Variants in FRMPD1 observed in about 807,000 individuals in gnomAD.
FRMPD1 encodes the protein FERM and PDZ domain-containing protein 1.
In FRMPD1, 76 loss-of-function variants were observed where a neutral mutation model predicts 117.8. That is an observed-to-expected ratio of 0.65 (90% confidence interval 0.54 to 0.78). The LOEUF (loss-of-function observed/expected upper bound fraction) is 0.78, where lower values mean the gene tolerates loss of function less well. Ranked by LOEUF, FRMPD1 falls within the 30% of genes least tolerant of loss-of-function variation. FRMPD1 has a pLI of 0.00. For synonymous variants in FRMPD1, 783 were observed against 770.4 expected, an observed-to-expected ratio of 1.02 and a Z score of -0.27; for missense variants, 1,786 against 1,964.5, an observed-to-expected ratio of 0.91 and a Z score of 1.72.
the FRMPD1 span, among the ~76,000 whole-genome samples, chr9:37,644,286 C>A: frequency 1.3e-5 from 2 of 152,114 alleles, no homozygotes; most frequent in African/African-American, 4.8e-5. Flanking sequence ...GGTAGCTGGG[C>A]CCCTCAGGTA....
At chr9:37,718,715 T>G (rs189957144) in intron 5 of FRMPD1, among the ~76,000 whole-genome samples, 2 of 152,228 alleles carry the variant, frequency 1.3e-5, no homozygotes, top group Non-Finnish European at 1.5e-5. Flanking sequence ...CGTACCTGGT[T>G]TTCTTTCATA....
chr9:37,746,722 G>A lies in FRMPD1; in HGVS notation c.4690G>A (p.Ala1564Thr), dbSNP rs749401138. 23 of 1,613,944 alleles carry A rather than the reference G, an allele frequency of 1.4e-5. No individual in the cohort carries two copies. The highest frequency in any genetic ancestry group is 4.5e-5 in the East Asian group (2 of 44,894). The change falls in exon 16 of 16, where the codon GCC becomes ACC. Residue 1564 changes from alanine (A) to threonine (T), a missense_variant. Coordinates refer to ENST00000377765, the MANE Select transcript of FRMPD1 (RefSeq NM_014907.3). The stretch of plus-strand genomic sequence containing the variant: ...CCGTCAGTGCACGGCCCTCACGGCC[G>A]CCGTGTTCTGTTTGACCCAGAAGTT... ...LARQCTALTA[A>T]VFCLTQKFRA...
At chr9:37,714,718 C>T (rs1823045082) in intron 5 of FRMPD1, among the ~76,000 whole-genome samples, 1 of 151,604 alleles carries the variant, frequency 6.6e-6, no homozygotes, top group South Asian at 2.1e-4. Context: ...GTGATCTTGG[C>T]TCACTGCAAC....
At chr9:37,637,521 C>T in the FRMPD1 span, among the ~76,000 whole-genome samples, 1 of 152,094 alleles carries the variant, frequency 6.6e-6, no homozygotes, top group South Asian at 2.1e-4. Context: ...CCTAAAATTC[C>T]CCCTTGCTTC....
At chr9:37,667,203 C>T (rs575807053) in intron 1 of FRMPD1, among the ~76,000 whole-genome samples, 6 of 151,380 alleles carry the variant, frequency 4.0e-5, no homozygotes, top group Non-Finnish European at 5.9e-5. Context: ...CAGCTGGGAC[C>T]ACAGGTGCGC....
chr9:37,665,157 T>C (rs560129116), intron 1 of FRMPD1, among the ~76,000 whole-genome samples: 104 of 152,348 alleles, frequency 6.8e-4, no homozygotes, highest in Admixed American at 3.0e-3. Flanking sequence ...TTTTTCAGTT[T>C]AGAAACCAGC....
the FRMPD1 span, among the ~76,000 whole-genome samples, chr9:37,643,996 G>A: frequency 3.0e-3 from 455 of 152,342 alleles, 1 homozygote; most frequent in African/African-American, 0.011. Context: ...ACATCCACTT[G>A]CTGAGCTGTG....
intron 1 of FRMPD1, among the ~76,000 whole-genome samples, chr9:37,664,281 TTATG>T (rs751709624): frequency 4.6e-5 from 7 of 151,246 alleles, no homozygotes; most frequent in African/African-American, 1.5e-4. Context: ...GCATCGACAT[TTATG>T]TATGTATGTA....
At chr9:37,636,091 C>G in the FRMPD1 span, among the ~76,000 whole-genome samples, 4 of 152,156 alleles carry the variant, frequency 2.6e-5, no homozygotes, top group East Asian at 7.7e-4. Context: ...CAGCCGCCCT[C>G]GATATACTCA....
At chr9:37,727,266 T>C (rs905447886) in intron 7 of FRMPD1, among the ~76,000 whole-genome samples, 2 of 152,118 alleles carry the variant, frequency 1.3e-5, no homozygotes, top group African/African-American at 4.8e-5. Context: ...CAAATTCCTC[T>C]AGATCAAGAG....
the FRMPD1 span, among the ~76,000 whole-genome samples, chr9:37,622,081 AAAG>A: frequency 2.6e-5 from 4 of 152,196 alleles, no homozygotes; most frequent in Non-Finnish European, 5.9e-5. Flanking sequence ...GCCTGAGTTC[AAAG>A]AAGTAATACT....
intron 5 of FRMPD1, among the ~76,000 whole-genome samples, chr9:37,713,799 C>T (rs1190710581): frequency 6.6e-6 from 1 of 152,096 alleles, no homozygotes; most frequent in Non-Finnish European, 1.5e-5. Flanking sequence ...AAAATACAGT[C>T]TCAACTCTAA....
chr9:37,660,102 G>T (rs1309646300), intron 1 of FRMPD1, among the ~76,000 whole-genome samples: 1 of 151,978 alleles, frequency 6.6e-6, no homozygotes, highest in African/African-American at 2.4e-5. Context: ...CTCCTAGATG[G>T]CTGCTGCACT....
rs576335593 is a variant in FRMPD1, at chr9:37,723,167, C to T, written c.517-1058C>T. Among the ~76,000 whole-genome samples the T allele has an allele frequency of 3.9e-5, 6 of 152,188 alleles. No homozygotes were observed. The East Asian group carries it at 9.7e-4, about 25-fold the overall frequency. ...ATGAGGGTAGGAGAGGCTTCCCTAC[C>T]CTCTCCATCCCACCCCAATCCTACA... is the stretch of plus-strand genomic sequence containing the variant. On this transcript the variant is annotated intron_variant, in intron 6 of 15. Coordinates refer to ENST00000377765, the MANE Select transcript of FRMPD1 (RefSeq NM_014907.3).
At position 37,735,673 on chromosome 9, in the gene FRMPD1, T is replaced by C. The variant is rs746589560; in HGVS notation, c.1340T>C (p.Val447Ala). ...GCAGAGTTTGCAAACATCAGCCGTG[T>C]AGAGCTAACGGAAGAGTCTGAGAAA... is the stretch of plus-strand genomic sequence containing the variant. ...TLAEFANISR[V>A]ELTEESEKVS... The change falls in exon 13 of 16, where the codon GTA becomes GCA. Residue 447 changes from valine to alanine, a missense_variant. Transcript: ENST00000377765. 3.1e-6 allele frequency: 5 copies of C among 1,613,912 alleles called. No individual in the cohort carries two copies. In the South Asian group the frequency reaches 5.5e-5, roughly 18 times the overall value.
intron 1 of FRMPD1, among the ~76,000 whole-genome samples, chr9:37,656,693 AC>A (rs1294508076): frequency 2.4e-5 from 3 of 123,638 alleles, no homozygotes; most frequent in Non-Finnish European, 4.8e-5. Flanking sequence ...CAAATCTGAG[AC>A]TTTTTTTTTT....
intron 5 of FRMPD1, 69 bp from the exon 6 acceptor site, chr9:37,719,000 T>G: frequency 2.2e-6 from 2 of 903,438 alleles, no homozygotes; most frequent in Non-Finnish European, 3.7e-6. Flanking sequence ...TTTTAAGAAA[T>G]GAGAAGATAG....
upstream of FRMPD1, among the ~76,000 whole-genome samples, chr9:37,648,003 T>C (rs1239102151): frequency 6.6e-6 from 1 of 152,208 alleles, no homozygotes; most frequent in Non-Finnish European, 1.5e-5. Flanking sequence ...AGTTTCCTTC[T>C]CTCTGTAAAA....
At chr9:37,637,923 G>A in the FRMPD1 span, among the ~76,000 whole-genome samples, 1 of 105,880 alleles carries the variant, frequency 9.4e-6, no homozygotes, top group Admixed American at 1.0e-4. Flanking sequence ...CCACAACAAC[G>A]GTGGGATTTT....
Sources: allele counts gnomAD v4.1 joint callset (sites outside exome capture counted in the v4.1 genomes callset), GRCh38; gene constraint gnomAD v4.1.1; transcripts MANE v1.5; gene names NCBI Gene and HGNC (gene_info 2026-07-23, HGNC 2026-07-21).